PDE4D: variants seen among roughly 807,000 people sequenced by gnomAD.
The protein encoded by PDE4D is 3',5'-cyclic-AMP phosphodiesterase 4D.
In PDE4D, 24 loss-of-function variants were observed where a neutral mutation model predicts 87.4. The ratio of observed to expected loss-of-function variants is 0.27; its 90% CI spans 0.20 to 0.39. PDE4D has a LOEUF of 0.39. Among genes scored for constraint, PDE4D ranks in the 10% least tolerant of loss-of-function variants. The probability of loss-of-function intolerance (pLI) is 1.00; values close to 1 mark genes in which losing one functional copy is unlikely to be tolerated. For missense variants in PDE4D, 714 were observed against 1,041.0 expected, an observed-to-expected ratio of 0.69 and a Z score of 4.32; for synonymous variants, 384 against 383.2, an observed-to-expected ratio of 1.00 and a Z score of -0.02.
intron 1 of PDE4D, among the ~76,000 whole-genome samples, chr5:60,277,791 T>A (rs1377167011): frequency 2.6e-5 from 4 of 152,176 alleles, no homozygotes; most frequent in Non-Finnish European, 5.9e-5. Context: ...GTTTAATGTA[T>A]CAAAGTCTAT....
chr5:59,822,037 A>T (rs1259949219), intron 1 of PDE4D, among the ~76,000 whole-genome samples: 3 of 152,124 alleles, frequency 2.0e-5, no homozygotes, highest in African/African-American at 7.2e-5. Context: ...TAAATTTTAA[A>T]TGTTTCCCAC....
intron 1 of PDE4D, among the ~76,000 whole-genome samples, chr5:59,335,791 C>A (rs1439385910): frequency 6.6e-6 from 1 of 152,158 alleles, no homozygotes; most frequent in Non-Finnish European, 1.5e-5. Flanking sequence ...TGCTAACTAA[C>A]AATCAGGGGC....
intron 1 of PDE4D, among the ~76,000 whole-genome samples, chr5:59,650,159 A>G (rs991467802): frequency 6.6e-6 from 1 of 151,988 alleles, no homozygotes; most frequent in Admixed American, 6.6e-5. Flanking sequence ...TTTCCCTCTC[A>G]CTTTTTAAAT....
At chr5:59,304,203 T>C (rs755134531) in intron 1 of PDE4D, among the ~76,000 whole-genome samples, 2 of 152,142 alleles carry the variant, frequency 1.3e-5, no homozygotes, top group Non-Finnish European at 2.9e-5. Flanking sequence ...CCTTGGTCAC[T>C]GTTGGTATAT....
intron 1 of PDE4D, among the ~76,000 whole-genome samples, chr5:59,353,187 A>G (rs1780802934): frequency 6.6e-6 from 1 of 152,150 alleles, no homozygotes; most frequent in Non-Finnish European, 1.5e-5. Flanking sequence ...GAATCATCTC[A>G]AGAAGAGTAA....
At chr5:59,687,516 C>G (rs956584393) in intron 1 of PDE4D, among the ~76,000 whole-genome samples, 2 of 152,120 alleles carry the variant, frequency 1.3e-5, no homozygotes, top group South Asian at 4.1e-4. Context: ...TACAGACAAG[C>G]AAATGCTGAG....
intron 1 of PDE4D, among the ~76,000 whole-genome samples, chr5:60,480,971 T>C (rs1748686907): frequency 6.6e-6 from 1 of 152,252 alleles, no homozygotes; most frequent in South Asian, 2.1e-4. Flanking sequence ...AACAAGTAAA[T>C]GGAGTTATGG....
chr5:59,635,572 AG>A (rs1240951757), intron 1 of PDE4D, among the ~76,000 whole-genome samples: 3 of 152,334 alleles, frequency 2.0e-5, no homozygotes, highest in African/African-American at 7.2e-5. Flanking sequence ...CTGGGATGCA[AG>A]GCTAGTTCAA....
intron 1 of PDE4D, among the ~76,000 whole-genome samples, chr5:59,349,978 C>G (rs909607416): frequency 6.6e-6 from 1 of 152,092 alleles, no homozygotes; most frequent in East Asian, 1.9e-4. Context: ...GATAATTGAG[C>G]AGATTCTTTT....
intron 1 of PDE4D, chr5:59,587,064 A>G (rs1378245155): frequency 2.3e-6 from 2 of 878,230 alleles, no homozygotes; most frequent in Non-Finnish European, 2.7e-6. Flanking sequence ...TCTGCTCTGC[A>G]GGACAAGATT....
At chr5:59,764,316 G>A (rs1762515253) in intron 1 of PDE4D, among the ~76,000 whole-genome samples, 1 of 152,174 alleles carries the variant, frequency 6.6e-6, no homozygotes, top group Non-Finnish European at 1.5e-5. Context: ...CCAGCCCTGT[G>A]AAACCACTTA....
chr5:59,459,014 T>C (rs1800337806), intron 1 of PDE4D, among the ~76,000 whole-genome samples: 1 of 152,236 alleles, frequency 6.6e-6, no homozygotes, highest in Admixed American at 6.5e-5. Flanking sequence ...TTTTCCTTCA[T>C]GATTGAATTT....
At chr5:58,982,865 T>G (rs1228738160) in intron 11 of PDE4D, among the ~76,000 whole-genome samples, 1 of 152,182 alleles carries the variant, frequency 6.6e-6, no homozygotes, top group Non-Finnish European at 1.5e-5. Flanking sequence ...TCCTATTCAC[T>G]TGGTTATTAA....
chr5:59,674,362 G>A (rs1024431310), intron 1 of PDE4D, among the ~76,000 whole-genome samples: 6 of 151,966 alleles, frequency 3.9e-5, no homozygotes, highest in African/African-American at 1.2e-4. Context: ...ATCTCCATAC[G>A]CCACTACTCA....
At chr5:59,957,153 G>A (rs1347362438) in intron 3 of PDE4D, among the ~76,000 whole-genome samples, 4 of 152,136 alleles carry the variant, frequency 2.6e-5, no homozygotes, top group African/African-American at 7.2e-5. Context: ...GAAAATCAGG[G>A]CTGTGGCCAT....
chr5:60,399,731 G>A (rs961690908), intron 1 of PDE4D, among the ~76,000 whole-genome samples: 10 of 152,234 alleles, frequency 6.6e-5, no homozygotes, highest in Admixed American at 3.9e-4. Flanking sequence ...TGGCCGTGCC[G>A]GCCCCATGCC....
chr5:60,502,175 T>G (rs528216762), intron 1 of PDE4D, among the ~76,000 whole-genome samples: 4 of 152,294 alleles, frequency 2.6e-5, no homozygotes, highest in Non-Finnish European at 5.9e-5. Flanking sequence ...GAATTAATTT[T>G]TGTATAAGGT....
At chr5:59,533,884 C>A (rs149549030) in intron 1 of PDE4D, among the ~76,000 whole-genome samples, 38 of 152,218 alleles carry the variant, frequency 2.5e-4, no homozygotes, top group Non-Finnish European at 4.4e-4. Context: ...TGAAAAAGCA[C>A]AATTGCTTTT....
At chr5:59,762,135 T>C (rs977987605) in intron 1 of PDE4D, among the ~76,000 whole-genome samples, 3 of 151,908 alleles carry the variant, frequency 2.0e-5, no homozygotes, top group Non-Finnish European at 4.4e-5. Flanking sequence ...TGTAGGTATA[T>C]AGATATATAT....
Sources: gnomAD v4.1 joint callset for allele counts (sites outside exome capture counted in the v4.1 genomes callset) on GRCh38, gnomAD v4.1.1 for gene constraint, MANE v1.5 for transcripts, NCBI Gene and HGNC (gene_info 2026-07-23, HGNC 2026-07-21) for gene names.